Variants in MTUS2 observed in about 807,000 individuals in gnomAD.
MTUS2 encodes microtubule-associated tumor suppressor candidate 2.
In MTUS2, 40 loss-of-function variants were observed where a neutral mutation model predicts 114.1. The ratio of observed to expected loss-of-function variants is 0.35; its 90% CI spans 0.27 to 0.46. The LOEUF is 0.46. Ranked by LOEUF, MTUS2 falls within the 20% of genes least tolerant of loss-of-function variation. The pLI, the probability that MTUS2 is intolerant of heterozygous loss-of-function variation, is 1.00. For missense variants in MTUS2, 1,679 were observed against 1,705.4 expected (o/e 0.98, Z 0.27); for synonymous variants, 688 against 672.0 (o/e 1.02, Z -0.37).
chr13:29,344,946 G>T (rs1868518379), intron 7 of MTUS2, among the ~76,000 whole-genome samples: 1 of 152,146 alleles, frequency 6.6e-6, no homozygotes, highest in Admixed American at 6.5e-5. Context: ...AAAACTCATG[G>T]CTGACAATTG....
At chr13:29,270,893 C>T (rs1360917841) in intron 5 of MTUS2, among the ~76,000 whole-genome samples, 1 of 152,194 alleles carries the variant, frequency 6.6e-6, no homozygotes, top group Non-Finnish European at 1.5e-5. Flanking sequence ...AGGGCAAGCC[C>T]GGGGATCTTC....
chr13:29,363,984 T>C (rs188925001), intron 8 of MTUS2, among the ~76,000 whole-genome samples: 57 of 152,170 alleles, frequency 3.7e-4, no homozygotes, highest in African/African-American at 1.2e-3. Flanking sequence ...GAAGACAACA[T>C]AATTAGAAAG....
intron 9 of MTUS2, among the ~76,000 whole-genome samples, chr13:29,462,807 GAGTGA>G (rs1879603858): frequency 6.6e-6 from 1 of 152,058 alleles, no homozygotes; most frequent in Non-Finnish European, 1.5e-5. Flanking sequence ...TATGGAGACC[GAGTGA>G]AACCCCTAGT....
At chr13:29,389,383 A>G (rs1346036063) in intron 8 of MTUS2, among the ~76,000 whole-genome samples, 1 of 62,468 alleles carries the variant, frequency 1.6e-5, no homozygotes, top group Non-Finnish European at 3.9e-5. Context: ...GTATATATGT[A>G]TACACGTGTG....
intron 5 of MTUS2, among the ~76,000 whole-genome samples, chr13:29,184,701 A>G (rs1566053625): frequency 6.6e-6 from 1 of 152,204 alleles, no homozygotes. Flanking sequence ...CACACGTGAC[A>G]AAAAATATAG....
chr13:28,987,995 C>G (rs1392153760), intron 2 of MTUS2, among the ~76,000 whole-genome samples: 3 of 152,166 alleles, frequency 2.0e-5, no homozygotes, highest in South Asian at 2.1e-4. Context: ...ATCCTAAACC[C>G]CAGGCCATAC....
intron 1 of MTUS2, among the ~76,000 whole-genome samples, chr13:28,822,057 A>G (rs1248756957): frequency 2.0e-5 from 3 of 152,272 alleles, no homozygotes; most frequent in Admixed American, 6.5e-5. Flanking sequence ...CGGTAAAGTA[A>G]GTCATAGGAA....
At chr13:28,835,248 A>G (rs1194649454) in intron 1 of MTUS2, among the ~76,000 whole-genome samples, 1 of 152,242 alleles carries the variant, frequency 6.6e-6, no homozygotes, top group Non-Finnish European at 1.5e-5. Flanking sequence ...AACTGGAAAC[A>G]ATCCAAATGT....
At chr13:28,837,421 G>A (rs2137973029) in intron 1 of MTUS2, among the ~76,000 whole-genome samples, 1 of 152,256 alleles carries the variant, frequency 6.6e-6, no homozygotes, top group South Asian at 2.1e-4. Flanking sequence ...CCTGGCCGGT[G>A]GTCTGTAGAC....
Position 29,024,912 on chromosome 13 carries a change from A to G in MTUS2, c.214A>G (p.Thr72Ala). 6.2e-7 allele frequency: 1 copy of G among 1,613,836 alleles called. No individual in the cohort carries two copies. The highest frequency in any genetic ancestry group is 1.6e-4 in the Middle Eastern group (1 of 6,062). The change falls in exon 3 of 16, where the codon ACC (threonine) becomes GCC (alanine). Residue 72 changes from threonine to alanine, a missense_variant. Physicochemically the swap from Thr to Ala is moderately conservative, Grantham distance 58. Around this residue, in one of 3 missense-constraint regions of MTUS2, gnomAD observed 843 missense variants for 770.8 expected, o/e 1.09. Coordinates refer to ENST00000612955, the MANE Select transcript of MTUS2 (RefSeq NM_001033602.4). ...AAATTCAAGTGAGCCAGAAAACCGT[A>G]CCCATTTCCATAAGGAATTTCACCA... Reference protein sequence around the residue: ...NTNSSEPENRTHFHKEFHQLQ... With the variant: ...NTNSSEPENRAHFHKEFHQLQ...
At chr13:29,420,283 C>CTTTT (rs34081195) in intron 8 of MTUS2, among the ~76,000 whole-genome samples, 6 of 137,468 alleles carry the variant, frequency 4.4e-5, no homozygotes, top group African/African-American at 8.1e-5. Context: ...TCTTTCTTTC[C>CTTTT]TTTTTTTTTT....
chr13:28,918,137 A>G (rs1880849266), intron 2 of MTUS2, among the ~76,000 whole-genome samples: 1 of 152,014 alleles, frequency 6.6e-6, no homozygotes, highest in South Asian at 2.1e-4. Context: ...TAGGAAAAGA[A>G]TATGTATTCT....
At chr13:29,101,965 T>G (rs964954378) in intron 5 of MTUS2, among the ~76,000 whole-genome samples, 43 of 152,354 alleles carry the variant, frequency 2.8e-4, no homozygotes, top group African/African-American at 9.4e-4. Context: ...AGTAATACAT[T>G]ACATTTCCCT....
chr13:29,205,292 T>C (rs1452395784), intron 5 of MTUS2, among the ~76,000 whole-genome samples: 3 of 152,254 alleles, frequency 2.0e-5, no homozygotes, highest in African/African-American at 7.2e-5. Flanking sequence ...GGTTTTGTTT[T>C]AGCACAGGCA....
chr13:29,389,518 T>TACAC lies in MTUS2; in HGVS notation c.3117+30045_3117+30046insACAC, dbSNP rs1566173362. On this transcript the variant is annotated intron_variant, in intron 8 of 15. Coordinates refer to ENST00000612955, the MANE Select transcript of MTUS2 (RefSeq NM_001033602.4). ...GTATATATGTATACACGTGTGTGTA[T>TACAC]GTGTATATATGTATACACGTGTGTA... 5.0e-4 allele frequency among the ~76,000 whole-genome samples: 28 copies of TACAC among 56,184 alleles called. 1 individual carries two copies. The highest frequency in any genetic ancestry group is 1.0e-3 in the African/African-American group (24 of 22,934). 36.9% of individuals were successfully genotyped at this position (56,184 alleles called of 152,430 possible).
chr13:29,079,969 G>A (rs745581443), intron 4 of MTUS2, among the ~76,000 whole-genome samples: 7 of 152,106 alleles, frequency 4.6e-5, no homozygotes, highest in Admixed American at 1.3e-4. Context: ...GCATTGAATC[G>A]GTAGATCAAT....
At chr13:28,999,778 C>G (rs1168377588) in intron 2 of MTUS2, among the ~76,000 whole-genome samples, 1 of 152,168 alleles carries the variant, frequency 6.6e-6, no homozygotes, top group Non-Finnish European at 1.5e-5. Context: ...CTCTTCTGCC[C>G]CATCCCCCGC....
chr13:29,488,698 C>T (rs373580999), intron 11 of MTUS2, among the ~76,000 whole-genome samples: 27 of 152,234 alleles, frequency 1.8e-4, no homozygotes, highest in African/African-American at 6.0e-4. Context: ...TGATGTTCTC[C>T]GGGCCACTGC....
chr13:29,187,226 G>A (rs1894262731), intron 5 of MTUS2, among the ~76,000 whole-genome samples: 2 of 151,464 alleles, frequency 1.3e-5, no homozygotes, highest in Non-Finnish European at 2.9e-5. Flanking sequence ...AAAATCCAAA[G>A]CAAGTAGAAG....
Sources: allele counts gnomAD v4.1 joint callset (sites outside exome capture counted in the v4.1 genomes callset), GRCh38; gene constraint gnomAD v4.1.1; regional missense constraint gnomAD v4.1.1; transcripts MANE v1.5; gene names NCBI Gene and HGNC (gene_info 2026-07-23, HGNC 2026-07-21).